OVCH2: variants seen among roughly 807,000 people sequenced by gnomAD.
OVCH2 encodes ovochymase 2.
OVCH2 carries 88 observed loss-of-function variants against 73.7 expected under a neutral mutation model. The ratio of observed to expected loss-of-function variants is 1.19; its 90% CI spans 1.01 to 1.43. The LOEUF (loss-of-function observed/expected upper bound fraction) is 1.43, where lower values mean the gene tolerates loss of function less well. Among genes scored for constraint, OVCH2 ranks in the 40% most tolerant of loss-of-function variants. OVCH2 has a pLI of 0.00. For missense variants in OVCH2, 706 were observed against 674.5 expected (o/e 1.05, Z -0.52); for synonymous variants, 265 against 234.5 (o/e 1.13, Z -1.19).
At chr11:7,684,528 G>C (rs1856122415), downstream of OVCH2, among the ~76,000 whole-genome samples, 2 of 151,504 alleles carry the variant, frequency 1.3e-5, no homozygotes, top group Admixed American at 1.3e-4. Flanking sequence ...GTGTGTGTGT[G>C]TGTGTGTGTG....
chr11:7,703,919 A>C (rs1856489527), intron 2 of OVCH2, 130 bp from the exon 3 acceptor site: 1 of 763,234 alleles, frequency 1.3e-6, no homozygotes, highest in South Asian at 1.6e-5. Context: ...TGGACTGTGA[A>C]AAGATAAAGC....
downstream of OVCH2, among the ~76,000 whole-genome samples, chr11:7,686,708 T>G (rs571001798): frequency 1.4e-4 from 21 of 152,368 alleles, no homozygotes; most frequent in Non-Finnish European, 2.8e-4. Flanking sequence ...TTACTTCGTA[T>G]CAGAGAGTAG....
At chr11:7,684,487 TAC>T (rs1555012336), downstream of OVCH2, among the ~76,000 whole-genome samples, 5 of 143,524 alleles carry the variant, frequency 3.5e-5, no homozygotes, top group East Asian at 4.0e-4. Context: ...TATATATATA[TAC>T]ACACACATAC....
intron 2 of OVCH2, 33 bp from the exon 3 acceptor site, chr11:7,703,822 T>G (rs765024531): frequency 1.0e-5 from 16 of 1,540,828 alleles, no homozygotes; most frequent in Non-Finnish European, 1.4e-5. Context: ...GAAAGCAAGT[T>G]CATGCCCTGG....
At chr11:7,696,879 C>G in intron 8 of OVCH2, 80 bp from the exon 9 acceptor site, 3 of 1,265,152 alleles carry the variant, frequency 2.4e-6, no homozygotes, top group Non-Finnish European at 3.3e-6. Context: ...GCTGCAAACA[C>G]CATAGCCTCC....
chr11:7,679,675 C>A, the OVCH2 span, among the ~76,000 whole-genome samples: 2 of 152,166 alleles, frequency 1.3e-5, no homozygotes, highest in Non-Finnish European at 2.9e-5. Flanking sequence ...AAACCTCTTT[C>A]CTTTATAAAT....
At position 7,695,054 on chromosome 11, in the gene OVCH2, A is replaced by G. The variant is rs1487005899; in HGVS notation, c.1413+4T>C. 6.5e-7 allele frequency: 1 copy of G among 1,549,066 alleles called. No individual in the cohort carries two copies. Among genetic ancestry groups the G allele is most frequent in the East Asian group, 2.4e-5 (1 of 40,910 alleles). ...AGCTACGTAAGGACAGCCAAAGTCA[A>G]TACCTTAATTAGGTGATGTTTGGAG... On this transcript the variant is annotated splice_donor_region_variant and intron_variant, in intron 12 of 15. Transcript: ENST00000533663.
At chr11:7,684,506 ATGTGTGTGTGTG>A (rs55770590), downstream of OVCH2, among the ~76,000 whole-genome samples, 6,103 of 141,426 alleles carry the variant, frequency 0.043, 174 homozygotes, top group Middle Eastern at 0.095. Flanking sequence ...ATACATACAT[ATGTGTGTGTGTG>A]TGTGTGTGTG....
At position 7,701,744 on chromosome 11, in the gene OVCH2, T is replaced by G. The variant is rs1489674529; in HGVS notation, c.531A>C (p.Thr177=). The change falls in exon 5 of 16, where the codon ACA becomes ACC. Residue 177 remains threonine, a synonymous_variant. Coordinates refer to ENST00000533663, the MANE Select transcript of OVCH2 (RefSeq NM_198185.7). ...CAGTTAAGCGGCCCCAGCCTGCAGT[T>G]GTACAAATAAAACCAGCCTCAAATT... The part of the protein sequence containing the change: ...REQFEAGFIC[T]TAGWGRLTEG... 10 of 1,612,496 alleles carry G rather than the reference T, an allele frequency of 6.2e-6. No homozygotes were observed. Among genetic ancestry groups the G allele is most frequent in the Non-Finnish European group, 8.5e-6 (10 of 1,179,422 alleles).
chr11:7,689,898 A>G (rs939297592), intron 15 of OVCH2, 26 bp downstream of exon 15: 1 of 1,304,812 alleles, frequency 7.7e-7, no homozygotes, highest in African/African-American at 1.5e-5. Flanking sequence ...CTCTGTGTGT[A>G]TCAATTGGTC....
intron 12 of OVCH2, 140 bp downstream of exon 12, chr11:7,694,918 G>T: frequency 1.0e-6 from 1 of 952,452 alleles, no homozygotes; most frequent in Non-Finnish European, 1.5e-6. Context: ...TTTATTGACA[G>T]CTTTGTGTGT....
At chr11:7,696,148 A>C (rs1275138669) in intron 10 of OVCH2, among the ~76,000 whole-genome samples, 3 of 152,176 alleles carry the variant, frequency 2.0e-5, no homozygotes, top group Non-Finnish European at 4.4e-5. Flanking sequence ...ACAGCTAGGA[A>C]AGCAGTGAGC....
chr11:7,691,147 T>A, intron 14 of OVCH2, 122 bp downstream of exon 14: 1 of 1,214,452 alleles, frequency 8.2e-7, no homozygotes, highest in East Asian at 2.6e-5. Context: ...GGTGACTTGA[T>A]AGGATGTAAT....
chr11:7,701,927 T>C (rs1043134772), intron 4 of OVCH2, 116 bp from the exon 5 acceptor site: 56 of 916,120 alleles, frequency 6.1e-5, no homozygotes, highest in Non-Finnish European at 9.1e-5. Flanking sequence ...TTGTGATAGC[T>C]CTGCCTGGCA....
chr11:7,698,840 G>C (rs1856382806), intron 7 of OVCH2, 67 bp from the exon 8 acceptor site: 2 of 1,513,588 alleles, frequency 1.3e-6, no homozygotes, highest in Non-Finnish European at 1.8e-6. Context: ...CAAGAAGTTA[G>C]CATCTTCTTG....
downstream of OVCH2, among the ~76,000 whole-genome samples, chr11:7,684,488 A>G (rs1856120331): frequency 1.2e-5 from 1 of 83,714 alleles, no homozygotes; most frequent in East Asian, 2.9e-4. Flanking sequence ...ATATATATAT[A>G]CACACACATA....
At chr11:7,690,904 G>A (rs1310178875) in intron 14 of OVCH2, among the ~76,000 whole-genome samples, 3 of 152,118 alleles carry the variant, frequency 2.0e-5, no homozygotes, top group East Asian at 3.8e-4. Flanking sequence ...GAAAACACAC[G>A]TGTTAGATAA....
chr11:7,705,026 T>C (rs897730249), intron 1 of OVCH2, among the ~76,000 whole-genome samples: 12 of 152,124 alleles, frequency 7.9e-5, no homozygotes, highest in African/African-American at 2.4e-4. Context: ...AGCAAAGAGG[T>C]AGACTAGATT....
intron 13 of OVCH2, 48 bp from the exon 14 acceptor site, chr11:7,691,448 T>C (rs777540235): frequency 2.5e-6 from 4 of 1,570,756 alleles, no homozygotes; most frequent in Non-Finnish European, 3.5e-6. Context: ...ACCCAGCAGA[T>C]AGCCATGGCA....
Sources: allele counts gnomAD v4.1 joint callset (sites outside exome capture counted in the v4.1 genomes callset), GRCh38; gene constraint gnomAD v4.1.1; transcripts MANE v1.5; gene names NCBI Gene and HGNC (gene_info 2026-07-23, HGNC 2026-07-21).